Variants in PCDHA1 observed in about 807,000 individuals in gnomAD.
PCDHA1 encodes protocadherin alpha-1.
A neutral mutation model predicts 61.3 loss-of-function variants in PCDHA1; 42 were observed. That is an observed-to-expected ratio of 0.69 (90% CI 0.54 to 0.89). The LOEUF (loss-of-function observed/expected upper bound fraction) is 0.89, where lower values mean the gene tolerates loss of function less well. Ranked by LOEUF, PCDHA1 falls within the 40% of genes least tolerant of loss-of-function variation. PCDHA1 has a pLI of 0.00. For missense variants in PCDHA1, 1,256 were observed against 1,235.3 expected (o/e 1.02, Z -0.25); for synonymous variants, 610 against 553.8 (o/e 1.10, Z -1.43).
intron 1 of PCDHA1, chr5:140,801,986 C>T (rs1026023655): frequency 6.2e-7 from 1 of 1,614,004 alleles, no homozygotes; most frequent in African/African-American, 1.3e-5. Context: ...TAGTGGTGAC[C>T]GTTAACGCCA....
intron 1 of PCDHA1, chr5:140,836,475 G>A: frequency 6.2e-7 from 1 of 1,613,846 alleles, no homozygotes; most frequent in Non-Finnish European, 8.5e-7. Context: ...GGATGTCAAC[G>A]TGTACCTGAT....
chr5:140,957,407 A>G lies in PCDHA1; in HGVS notation c.2395-21542A>G, dbSNP rs570373783. On this transcript the variant is annotated intron_variant, in intron 1 of 3. Coordinates refer to ENST00000504120, the MANE Select transcript of PCDHA1 (RefSeq NM_018900.4). ...GTTATAATTGTCCTAATTTATTATT[A>G]TTGTTGTTAATCTTTTACTGTGCCT... Among the ~76,000 whole-genome samples, 13 of 152,274 alleles carry G rather than the reference A, an allele frequency of 8.5e-5. No homozygotes were observed. The South Asian group carries it at 2.7e-3, about 32-fold the overall frequency.
intron 1 of PCDHA1, chr5:140,930,423 A>C (rs1366004853): frequency 6.6e-6 from 1 of 151,862 alleles, no homozygotes; most frequent in Non-Finnish European, 1.5e-5. Flanking sequence ...GGGTCTCACT[A>C]TGTTGCCCAG....
At chr5:140,824,520 T>G in intron 1 of PCDHA1, 2 of 214,438 alleles carry the variant, frequency 9.3e-6, no homozygotes, top group East Asian at 1.2e-4. Flanking sequence ...GATCTGATCA[T>G]AGCTCACCGA....
chr5:140,965,493 C>A (rs1214376252), intron 1 of PCDHA1, among the ~76,000 whole-genome samples: 1 of 147,046 alleles, frequency 6.8e-6, no homozygotes, highest in African/African-American at 2.5e-5. Flanking sequence ...TTAATGACAG[C>A]AGATTTTTTT....
In PCDHA1 at chr5:140,787,308, G is replaced by T. The variant is rs140151054; in HGVS notation, c.1018G>T (p.Val340Leu). 213 of 1,614,086 alleles carry T rather than the reference G, an allele frequency of 1.3e-4. 1 individual carries two copies. Among genetic ancestry groups the T allele is most frequent in the Non-Finnish European group, 1.8e-4 (208 of 1,180,032 alleles). Residue 340 changes from valine to leucine, a missense_variant, in exon 1 of 4, where the codon GTG (valine) becomes TTG (leucine). Transcript: ENST00000504120. ...MSNHCKVLVK[V>L]LDVNDNAPEL... The stretch of plus-strand genomic sequence containing the variant: ...AAATCACTGTAAGGTTTTGGTGAAA[G>T]TGCTGGATGTAAATGATAATGCTCC...
chr5:140,821,848 G>A (rs2150111173), intron 1 of PCDHA1: 1 of 1,614,192 alleles, frequency 6.2e-7, no homozygotes, highest in South Asian at 1.1e-5. Context: ...CTACTGGAAG[G>A]CAGGGAGCGG....
rs201868516 is a variant in PCDHA1 at position 140,843,396 on chromosome 5, C to A, written c.2394+54712C>A. 27 of 1,595,918 alleles carry A rather than the reference C, an allele frequency of 1.7e-5. 6 individuals carry two copies. Among genetic ancestry groups the A allele is most frequent in the Non-Finnish European group, 2.3e-5 (27 of 1,165,594 alleles). ...GCTGGCGTTTTGGGTCCGGAAGCGGCGCTGGTGGATGTCAACGTGTACCTG... is the reference window on the plus strand; with the variant it reads ...GCTGGCGTTTTGGGTCCGGAAGCGGAGCTGGTGGATGTCAACGTGTACCTG... On this transcript the variant is annotated intron_variant, in intron 1 of 3. Coordinates refer to ENST00000504120, the MANE Select transcript of PCDHA1 (RefSeq NM_018900.4).
intron 1 of PCDHA1, chr5:140,870,710 C>T (rs782716335): frequency 6.2e-7 from 1 of 1,613,092 alleles, no homozygotes; most frequent in South Asian, 1.1e-5. Flanking sequence ...CAGGTGAGCG[C>T]GCGCGATGCG....
At chr5:140,992,131 T>C (rs1554252686) in intron 3 of PCDHA1, among the ~76,000 whole-genome samples, 1 of 151,874 alleles carries the variant, frequency 6.6e-6, no homozygotes, top group African/African-American at 2.4e-5. Flanking sequence ...GAACAGTGAC[T>C]GATGATGCTA....
intron 3 of PCDHA1, among the ~76,000 whole-genome samples, chr5:141,008,922 G>A (rs34518527): frequency 0.052 from 7,924 of 152,178 alleles, 248 homozygotes; most frequent in South Asian, 0.11. Flanking sequence ...AATTTATTCA[G>A]CTAATTTTTC....
At chr5:140,807,725 C>G in intron 1 of PCDHA1, 1 of 1,614,176 alleles carries the variant, frequency 6.2e-7, no homozygotes, top group Non-Finnish European at 8.5e-7. Flanking sequence ...ATACTTTTCT[C>G]TGGAAAAACC....
rs534304787 is a variant in PCDHA1, at chr5:140,885,393, TA to T, written c.2395-93554del. Among the ~76,000 whole-genome samples the T allele has an allele frequency of 3.1e-3, 468 of 152,312 alleles. 3 individuals carry two copies. Among genetic ancestry groups the T allele is most frequent in the Middle Eastern group, 0.014 (4 of 294 alleles). The stretch of plus-strand genomic sequence containing the variant: ...TACCTTTTGGCAGTCCCTGCAAATC[TA>T]ATGGTTTTAATAGCTGTGTAGTATT... On this transcript the variant is annotated intron_variant, in intron 1 of 3. Transcript: ENST00000504120.
rs373714901 is a variant in PCDHA1, at chr5:140,898,150, G to T, written c.2395-80799G>T. 6.9e-3 allele frequency among the ~76,000 whole-genome samples: 1,047 copies of T among 152,166 alleles called. 8 individuals are homozygous for T. The highest frequency in any genetic ancestry group is 0.024 in the African/African-American group (1,013 of 41,482). ...CCCATTTTGTAGGTTGCCTGTTCAC[G>T]CTGATGGTGGTTTCTTTTGCTGTGC... On this transcript the variant is annotated intron_variant, in intron 1 of 3. Transcript: ENST00000504120.
At chr5:140,949,825 C>G (rs1321892793) in intron 1 of PCDHA1, among the ~76,000 whole-genome samples, 2 of 151,748 alleles carry the variant, frequency 1.3e-5, no homozygotes, top group African/African-American at 4.8e-5. Flanking sequence ...TATTTGTCCC[C>G]TCTGATTTTG....
intron 1 of PCDHA1, chr5:140,803,821 G>T: frequency 1.5e-6 from 1 of 658,616 alleles, no homozygotes; most frequent in Non-Finnish European, 2.5e-6. Flanking sequence ...TTGTTATTAG[G>T]TGCAGTAGTA....
chr5:140,857,255 T>C (rs1307623486), intron 1 of PCDHA1: 1 of 1,598,356 alleles, frequency 6.3e-7, no homozygotes, highest in Non-Finnish European at 8.6e-7. Context: ...CTACAAGAAT[T>C]ACTACTCATT....
chr5:140,857,971 G>C (rs1554150955), intron 1 of PCDHA1: 3 of 1,596,810 alleles, frequency 1.9e-6, no homozygotes, highest in Non-Finnish European at 2.6e-6. Flanking sequence ...AGACTGACTC[G>C]CCACGCCAGC....
intron 1 of PCDHA1, chr5:140,817,042 G>A (rs2126677218): frequency 3.9e-5 from 6 of 152,156 alleles, no homozygotes; most frequent in African/African-American, 1.4e-4. Flanking sequence ...GCTGAGCTGA[G>A]TTTCTCTCTG....
Sources: gnomAD v4.1 joint callset for allele counts (sites outside exome capture counted in the v4.1 genomes callset) on GRCh38, gnomAD v4.1.1 for gene constraint, MANE v1.5 for transcripts, NCBI Gene and HGNC (gene_info 2026-07-23, HGNC 2026-07-21) for gene names.